Variants in PIK3R3 observed in about 807,000 individuals in gnomAD.
PIK3R3 encodes the protein phosphatidylinositol 3-kinase regulatory subunit gamma.
A neutral mutation model predicts 62.9 loss-of-function variants in PIK3R3; 64 were observed. That is an observed-to-expected ratio of 1.02 (90% CI 0.83 to 1.25). The LOEUF (loss-of-function observed/expected upper bound fraction) is 1.25. PIK3R3 is among the 50% of genes most tolerant of loss of function. The pLI is 0.00. For synonymous variants in PIK3R3, 165 were observed against 189.0 expected (o/e 0.87, Z 1.04); for missense variants, 614 against 561.6 (o/e 1.09, Z -0.94).
At chr1:46,100,182 T>C (rs1175083968) in intron 1 of PIK3R3, among the ~76,000 whole-genome samples, 2 of 152,220 alleles carry the variant, frequency 1.3e-5, no homozygotes, top group Non-Finnish European at 2.9e-5. Flanking sequence ...TCTTTTACAG[T>C]TCAAATTTCA....
chr1:46,155,348 A>AG, the PIK3R3 span, among the ~76,000 whole-genome samples: 1 of 151,768 alleles, frequency 6.6e-6, no homozygotes, highest in Non-Finnish European at 1.5e-5. Context: ...AAAAAAAAAA[A>AG]CAAAAAACAG....
At chr1:46,146,026 G>T in the PIK3R3 span, among the ~76,000 whole-genome samples, 3 of 152,212 alleles carry the variant, frequency 2.0e-5, no homozygotes, top group Non-Finnish European at 2.9e-5. Context: ...TCAGAGAAGA[G>T]CCAAAGCCGG....
the PIK3R3 span, among the ~76,000 whole-genome samples, chr1:46,142,782 G>A: frequency 6.6e-6 from 1 of 152,160 alleles, no homozygotes; most frequent in Non-Finnish European, 1.5e-5. Context: ...TGGTGGGGAT[G>A]AAGCTACAGG....
intron 5 of PIK3R3, among the ~76,000 whole-genome samples, chr1:46,062,615 T>C (rs1320076303): frequency 6.6e-6 from 1 of 152,126 alleles, no homozygotes; most frequent in Non-Finnish European, 1.5e-5. Context: ...TCCCCAAAAA[T>C]CTTCAGGTTA....
chr1:46,114,771 A>C (rs35871347), intron 1 of PIK3R3, among the ~76,000 whole-genome samples: 1 of 99,302 alleles, frequency 1.0e-5, no homozygotes, highest in African/African-American at 4.1e-5. Context: ...AGCCTCACTA[A>C]TTTTTTTTTT....
chr1:46,100,059 T>C (rs9661749), intron 1 of PIK3R3, among the ~76,000 whole-genome samples: 2 of 152,194 alleles, frequency 1.3e-5, no homozygotes, highest in African/African-American at 4.8e-5. Flanking sequence ...TTATTAATCC[T>C]TTTTAGTTAT....
intron 1 of PIK3R3, among the ~76,000 whole-genome samples, chr1:46,120,402 C>T (rs181524221): frequency 8.3e-4 from 126 of 152,178 alleles, no homozygotes; most frequent in African/African-American, 2.9e-3. Flanking sequence ...ATGGTGAAAC[C>T]ACATCTCTAC....
chr1:46,130,306 A>G (rs1471710489), intron 1 of PIK3R3, among the ~76,000 whole-genome samples: 1 of 152,220 alleles, frequency 6.6e-6, no homozygotes, highest in Non-Finnish European at 1.5e-5. Context: ...CTAAATTTCT[A>G]TTCATATGTA....
intron 7 of PIK3R3, among the ~76,000 whole-genome samples, chr1:46,048,862 C>A (rs1768817): frequency 2.0e-5 from 3 of 152,030 alleles, no homozygotes; most frequent in Non-Finnish European, 4.4e-5. Context: ...CCTTACAAAC[C>A]TATTAACAAT....
rs1161115935 is a variant in PIK3R3, at chr1:46,132,053, G to A, written c.-101C>T. On this transcript the variant is annotated 5_prime_UTR_variant, in exon 1 of 10. Coordinates refer to ENST00000262741, the MANE Select transcript of PIK3R3 (RefSeq NM_003629.4). ...ATATATATCTGCAAAAGTTCCACAC[G>A]GAAATGTACTTCGGGTTTTCCAACG... The A allele has an allele frequency of 2.0e-6, 3 of 1,497,188 alleles. No individual in the cohort carries two copies. Among genetic ancestry groups the A allele is most frequent in the African/African-American group, 2.8e-5 (2 of 70,990 alleles). The allele number at this position is 1,497,188 out of a possible 1,614,324, so 92.7% of individuals were successfully genotyped here. A position where few individuals can be genotyped will look rare whatever the true frequency, so the allele number is the denominator to read the frequency against.
At chr1:46,144,298 C>T in the PIK3R3 span, among the ~76,000 whole-genome samples, 25 of 152,244 alleles carry the variant, frequency 1.6e-4, no homozygotes, top group African/African-American at 6.0e-4. Context: ...GGAAAGAATA[C>T]GAGCAGTAAT....
intron 1 of PIK3R3, chr1:46,105,188 G>C (rs1653080855): frequency 1.8e-6 from 1 of 567,258 alleles, no homozygotes; most frequent in African/African-American, 1.9e-5. Flanking sequence ...ATCCCAGCTG[G>C]TGTAATACTG....
the PIK3R3 span, among the ~76,000 whole-genome samples, chr1:46,172,171 C>T: frequency 6.6e-6 from 1 of 152,184 alleles, no homozygotes; most frequent in African/African-American, 2.4e-5. Context: ...CCCAGTGTGC[C>T]ACCACTTCCT....
intron 3 of PIK3R3, among the ~76,000 whole-genome samples, chr1:46,070,154 A>G (rs1175646784): frequency 1.3e-5 from 2 of 152,218 alleles, no homozygotes; most frequent in Non-Finnish European, 2.9e-5. Context: ...ATAATAGAGT[A>G]TATTTATATG....
rs769815656 is a variant in PIK3R3 at position 46,080,783 on chromosome 1, TA to T, written c.107-34del. On this transcript the variant is annotated intron_variant, in intron 1 of 9. Transcript: ENST00000262741. ...AGAAATGAATATTACTCTGTAGATG[TA>T]AATTATTTACTGTTTTCTAATTTCC... 1.6e-5 allele frequency: 22 copies of T among 1,398,416 alleles called. No individual in the cohort carries two copies. The African/African-American group carries it at 3.1e-4, about 20-fold the overall frequency. 86.6% of individuals were successfully genotyped at this position (1,398,416 alleles called of 1,614,324 possible).
chr1:46,147,239 G>C, the PIK3R3 span, among the ~76,000 whole-genome samples: 3 of 152,122 alleles, frequency 2.0e-5, no homozygotes, highest in East Asian at 5.8e-4. Context: ...CTGTAGCTGG[G>C]ACTACAGGTG....
At chr1:46,077,652 A>G in intron 2 of PIK3R3, 39 bp from the exon 3 acceptor site, 1 of 1,309,472 alleles carries the variant, frequency 7.6e-7, no homozygotes, top group Non-Finnish European at 1.1e-6. Context: ...AAAAATGTCA[A>G]CACTGGTGGC....
intron 1 of PIK3R3, among the ~76,000 whole-genome samples, chr1:46,127,951 A>G (rs1655239196): frequency 6.6e-6 from 1 of 152,208 alleles, no homozygotes; most frequent in Non-Finnish European, 1.5e-5. Context: ...TTAAACTCCC[A>G]TTTGGATTCA....
At chr1:46,168,634 C>T in the PIK3R3 span, among the ~76,000 whole-genome samples, 1 of 152,220 alleles carries the variant, frequency 6.6e-6, no homozygotes. Context: ...TGAAATCCTC[C>T]CACCTCCCTT....
Sources: gnomAD v4.1 joint callset for allele counts (sites outside exome capture counted in the v4.1 genomes callset) on GRCh38, gnomAD v4.1.1 for gene constraint, MANE v1.5 for transcripts, NCBI Gene and HGNC (gene_info 2026-07-23, HGNC 2026-07-21) for gene names.